CASKIN2: variants seen among roughly 807,000 people sequenced by gnomAD.
CASKIN2 encodes caskin-2.
In CASKIN2, 41 loss-of-function variants were observed where a neutral mutation model predicts 107.1. The ratio of observed to expected loss-of-function variants is 0.38; its 90% CI spans 0.30 to 0.50. The LOEUF is 0.50. Ranked by LOEUF, CASKIN2 falls within the 20% of genes least tolerant of loss-of-function variation. The probability of loss-of-function intolerance (pLI) is 0.92; values close to 1 mark genes in which losing one functional copy is unlikely to be tolerated. For missense variants in CASKIN2, 1,546 were observed against 1,657.4 expected, an observed-to-expected ratio of 0.93 and a Z score of 1.17; for synonymous variants, 724 against 705.6, an observed-to-expected ratio of 1.03 and a Z score of -0.41.
intron 4 of CASKIN2, among the ~76,000 whole-genome samples, 155 bp downstream of exon 4, chr17:75,507,429 A>C (rs1369598102): frequency 6.6e-6 from 1 of 152,198 alleles, no homozygotes; most frequent in African/African-American, 2.4e-5. Flanking sequence ...AAGGCTGTGA[A>C]GAGTAAACGG....
rs369032174 is a variant in CASKIN2, at chr17:75,513,754, G to T, written c.51C>A (p.Thr17=). The change falls in exon 2 of 20, where the codon ACC becomes ACA. Residue 17 remains threonine (T), a synonymous_variant. Coordinates refer to ENST00000321617, the MANE Select transcript of CASKIN2 (RefSeq NM_020753.5). ...LILAVKNGDV[T]GVQKLVAKVK... is the part of the protein sequence containing the mutation. ...CCTTCGCCACCAGTTTCTGCACACC[G>T]GTCACATCTCCATTCTTGACGGCGA... 3.0e-5 allele frequency: 49 copies of T among 1,611,826 alleles called. No individual in the cohort carries two copies. The highest frequency in any genetic ancestry group is 2.3e-4 in the Admixed American group (14 of 59,900).
Position 75,506,992 on chromosome 17 carries a change from A to G in CASKIN2, c.382T>C (p.Tyr128His), listed in dbSNP as rs762260576. The change falls in exon 5 of 20, where the codon TAT (tyrosine) becomes CAT (histidine). Residue 128 changes from tyrosine to histidine, a missense_variant. Coordinates refer to ENST00000321617, the MANE Select transcript of CASKIN2 (RefSeq NM_020753.5). This position sits in a 1 kb window ranked among gnomAD's most constrained non-coding sequence, Gnocchi z 4.8. ...PLHLAAQYGH[Y>H]EVSEMLLQHQ... ...TGGGCAGCCTCACGTACCACCTCAT[A>G]ATGTCCATACTGTGCAGCCAGGTGC... The G allele has an allele frequency of 5.9e-5, 95 of 1,612,866 alleles. No individual in the cohort carries two copies. The highest frequency in any genetic ancestry group is 7.8e-5 in the Non-Finnish European group (92 of 1,179,810).
chr17:75,515,376 C>A (rs1466340724), intron 1 of CASKIN2, 25 bp downstream of exon 1: 1 of 152,024 alleles, frequency 6.6e-6, no homozygotes, highest in African/African-American at 2.4e-5. Context: ...GGCGCTGACC[C>A]CCAGCGCGGG....
At position 75,500,988 on chromosome 17, in the gene CASKIN2, C is replaced by T. The variant is rs541472781; in HGVS notation, c.*92G>A. On this transcript the variant is annotated 3_prime_UTR_variant, in exon 20 of 20. Transcript: ENST00000321617. ...GGAGGGGCACTTCAGCCTGACCAGC[C>T]CTTGGCCCGTCCCTAGGGTGGCAGG... 27 of 1,268,428 alleles carry T rather than the reference C, an allele frequency of 2.1e-5. 1 individual carries two copies. The East Asian group carries it at 4.8e-4, about 23-fold the overall frequency. The allele number at this position is 1,268,428 out of a possible 1,614,324, so 78.6% of individuals were successfully genotyped here. A position where few individuals can be genotyped will look rare whatever the true frequency, so the allele number is the denominator to read the frequency against.
chr17:75,509,888 A>G, intron 2 of CASKIN2: 2 of 985,824 alleles, frequency 2.0e-6, no homozygotes, highest in South Asian at 4.7e-5. Context: ...GAGCAGGACA[A>G]TGTGACAGGC....
chr17:75,508,334 CT>C, intron 2 of CASKIN2, 49 bp from the exon 3 acceptor site: 5 of 1,586,764 alleles, frequency 3.2e-6, no homozygotes, highest in Non-Finnish European at 4.3e-6. Flanking sequence ...ACTGCCCTCA[CT>C]CAGCATCCCT....
intron 2 of CASKIN2, 33 bp from the exon 3 acceptor site, chr17:75,508,318 C>G (rs781454047): frequency 5.0e-6 from 8 of 1,608,208 alleles, no homozygotes; most frequent in Non-Finnish European, 6.8e-6. Context: ...TCAGGGCCAT[C>G]AGATGACTGC....
rs755765571 is a variant in CASKIN2, at chr17:75,504,408, G to A, written c.1375+12C>T. 9.3e-6 allele frequency: 15 copies of A among 1,606,186 alleles called. No individual in the cohort carries two copies. Among genetic ancestry groups the A allele is most frequent in the Non-Finnish European group, 1.3e-5 (15 of 1,174,722 alleles). ...CTCTCCTAGCCAACCCAGGTCCCCT[G>A]ACCCTTCCTACCTGCCAGGGACGGC... On this transcript the variant is annotated intron_variant, in intron 13 of 19. Transcript: ENST00000321617.
At position 75,505,500 on chromosome 17, in the gene CASKIN2, A is replaced by G. The variant is rs761803607; in HGVS notation, c.930+57T>C. 5 of 1,550,430 alleles carry G rather than the reference A, an allele frequency of 3.2e-6. No individual in the cohort carries two copies. In the South Asian group the frequency reaches 5.6e-5, roughly 17 times the overall value. ...AACGTGGTAACATAGCAGGTGCCCA[A>G]ATAAGTAACAGCAATCATTTGTATT... On this transcript the variant is annotated intron_variant, in intron 10 of 19. Coordinates refer to ENST00000321617, the MANE Select transcript of CASKIN2 (RefSeq NM_020753.5). The surrounding 1 kb of genome is among the most constrained non-coding windows in gnomAD (Gnocchi z 5.1).
rs1175984239 is a variant in CASKIN2 at position 75,502,885 on chromosome 17, C to T, written c.2189G>A (p.Arg730Lys). ...CCGCTCTGTGCCCTCTGGGAGGTTC[C>T]TCTCCTGGGGGGGGCTGGGATCTCC... is the stretch of plus-strand genomic sequence containing the variant. ...SGGDPSPPQE[R>K]NLPEGTERPP... The change falls in exon 18 of 20, where the codon AGG (arginine) becomes AAG (lysine). Residue 730 changes from arginine (R) to lysine (K), a missense_variant. Coordinates refer to ENST00000321617, the MANE Select transcript of CASKIN2 (RefSeq NM_020753.5). This position sits in a 1 kb window ranked among gnomAD's most constrained non-coding sequence, Gnocchi z 4.3. 2 of 1,542,354 alleles carry T rather than the reference C, an allele frequency of 1.3e-6. No individual in the cohort carries two copies. Among genetic ancestry groups the T allele is most frequent in the African/African-American group, 1.4e-5 (1 of 72,954 alleles).
chr17:75,513,859 G>T lies in CASKIN2; in HGVS notation c.-55C>A. 6.5e-7 allele frequency: 1 copy of T among 1,543,608 alleles called. No homozygotes were observed. ...GGAGTCCAGGGCAAAGGCAGGCAAC[G>T]GGTCCAAGCTGGGGCGTCAGGGCGC... On this transcript the variant is annotated 5_prime_UTR_variant, in exon 2 of 20. Coordinates refer to ENST00000321617, the MANE Select transcript of CASKIN2 (RefSeq NM_020753.5).
chr17:75,507,154 G>A (rs755093308), intron 4 of CASKIN2, 25 bp from the exon 5 acceptor site: 8 of 1,594,440 alleles, frequency 5.0e-6, no homozygotes, highest in Admixed American at 3.4e-5. Flanking sequence ...GGGTTTCTGA[G>A]GGAGGTCCTG....
intron 18 of CASKIN2, 27 bp from the exon 19 acceptor site, chr17:75,501,717 G>A (rs780274952): frequency 1.3e-6 from 2 of 1,537,960 alleles, no homozygotes; most frequent in Non-Finnish European, 1.8e-6. Flanking sequence ...GTTGGCTTGG[G>A]ACTTGGCTGG....
chr17:75,501,425 T>C (rs2053181838), intron 19 of CASKIN2, 43 bp downstream of exon 19: 2 of 1,565,856 alleles, frequency 1.3e-6, no homozygotes, highest in Non-Finnish European at 1.7e-6. Flanking sequence ...GGGAGCACTG[T>C]TTCTCTGCAG....
chr17:75,507,562 CG>C, intron 4 of CASKIN2, 21 bp downstream of exon 4: 3 of 1,589,630 alleles, frequency 1.9e-6, no homozygotes, highest in East Asian at 2.2e-5. Flanking sequence ...GGGTGGGGGT[CG>C]GGGGCACATG....
chr17:75,501,668 C>T lies in CASKIN2; in HGVS notation c.3318G>A (p.Ser1106=), dbSNP rs372404730. ...AAAATGCCAGCTGGGTGCAGGCCAC[C>T]GACACAGGCTTGGGGGCTGTTCCTG... ...PGAGTAPKPV[S]VACTQLAFSG... is the part of the protein sequence containing the mutation. The change falls in exon 19 of 20, where the codon TCG becomes TCA. Residue 1106 remains serine, a synonymous_variant. Coordinates refer to ENST00000321617, the MANE Select transcript of CASKIN2 (RefSeq NM_020753.5). The T allele has an allele frequency of 8.4e-5, 133 of 1,581,436 alleles. No homozygotes were observed. Among genetic ancestry groups the T allele is most frequent in the African/African-American group, 7.0e-4 (52 of 74,432 alleles).
rs747145627 is a variant in CASKIN2, at chr17:75,501,721, T to G, written c.3296-31A>C. On this transcript the variant is annotated intron_variant, in intron 18 of 19. Coordinates refer to ENST00000321617, the MANE Select transcript of CASKIN2 (RefSeq NM_020753.5). Reference sequence around the variant, plus strand: ...GAGACAAAAAGGTTGGCTTGGGACTTGGCTGGGTCAGACACAACCCTGCCA... The same window carrying G: ...GAGACAAAAAGGTTGGCTTGGGACTGGGCTGGGTCAGACACAACCCTGCCA... 2.6e-6 allele frequency: 4 copies of G among 1,536,832 alleles called. No individual in the cohort carries two copies. The East Asian group carries it at 6.8e-5, about 26-fold the overall frequency.
rs770501748 is a variant in CASKIN2 at position 75,501,200 on chromosome 17, C to G, written c.3519-30G>C. The G allele has an allele frequency of 1.8e-5, 28 of 1,546,670 alleles. No homozygotes were observed. In the African/African-American group the frequency reaches 3.1e-4, roughly 17 times the overall value. On this transcript the variant is annotated intron_variant, in intron 19 of 19. Transcript: ENST00000321617. ...AGCAAGGGGAAGGATGCGGTCAGATCAGCCAGTGGCCTGCACCCCACTGGC... is the reference window on the plus strand; with the variant it reads ...AGCAAGGGGAAGGATGCGGTCAGATGAGCCAGTGGCCTGCACCCCACTGGC...
In CASKIN2 at chr17:75,502,454, TG is replaced by T; in HGVS notation, c.2619del (p.Lys874SerfsTer16). The part of the protein sequence containing the change: ...ARRKGPPPPP[P>X]KRLSSVSGPS... ...GGGCCAGAGACGGAGCTGAGGCGCT[TG>T]GGGGGCGGGGGCGGGGGGCCTTTGC... On this transcript the variant is annotated frameshift_variant, in exon 18 of 20. Coordinates refer to ENST00000321617, the MANE Select transcript of CASKIN2 (RefSeq NM_020753.5). LOFTEE classifies it high-confidence loss of function. The surrounding 1 kb of genome is among the most constrained non-coding windows in gnomAD (Gnocchi z 4.3). 1 of 1,054,694 alleles carries T rather than the reference TG, an allele frequency of 9.5e-7. No homozygotes were observed. The highest frequency in any genetic ancestry group is 1.2e-6 in the Non-Finnish European group (1 of 862,544). 65.3% of individuals were successfully genotyped at this position (1,054,694 alleles called of 1,614,324 possible). A position where few individuals can be genotyped will look rare whatever the true frequency, so the allele number is the denominator to read the frequency against.
Sources: allele counts gnomAD v4.1 joint callset (sites outside exome capture counted in the v4.1 genomes callset), GRCh38; gene constraint gnomAD v4.1.1; non-coding constraint Gnocchi (gnomAD v3.1); transcripts MANE v1.5; gene names NCBI Gene and HGNC (gene_info 2026-07-23, HGNC 2026-07-21).